Variants in IL1RAPL2 observed in about 807,000 individuals in gnomAD.
IL1RAPL2 encodes the protein interleukin 1 receptor accessory protein like 2, also known as X-linked interleukin-1 receptor accessory protein-like 2.
Under a neutral mutation model 44.1 loss-of-function variants are expected in IL1RAPL2, and 3 were observed. The observed-to-expected ratio is 0.07, with a 90% CI of 0.03 to 0.18. The LOEUF (loss-of-function observed/expected upper bound fraction) is 0.18, where lower values mean the gene tolerates loss of function less well. Ranked by LOEUF, IL1RAPL2 falls within the 10% of genes least tolerant of loss-of-function variation. The pLI, the probability that IL1RAPL2 is intolerant of heterozygous loss-of-function variation, is 1.00. For missense variants in IL1RAPL2, 391 were observed against 496.4 expected (o/e 0.79, Z 2.02); for synonymous variants, 181 against 178.8 (o/e 1.01, Z -0.10).
Position 104,964,744 on chromosome X carries a change from C to G in IL1RAPL2, c.83-230731C>G, listed in dbSNP as rs191637609. ...TTAGACAATATGGTGTACTAGATGT[C>G]CTAGAAACCCTTATGATAAAATGCC... On this transcript the variant is annotated intron_variant, in intron 2 of 10. Coordinates refer to ENST00000372582, the MANE Select transcript of IL1RAPL2 (RefSeq NM_017416.2). Among the ~76,000 whole-genome samples, 491 of 111,423 alleles carry G rather than the reference C, an allele frequency of 4.4e-3. 3 individuals are homozygous for G. The highest frequency in any genetic ancestry group is 0.015 in the African/African-American group (465 of 30,664).
chrX:105,496,150 A>C (rs1026499459), intron 6 of IL1RAPL2, among the ~76,000 whole-genome samples: 2 of 112,142 alleles, frequency 1.8e-5, no homozygotes, highest in African/African-American at 6.5e-5. Context: ...AACATTTTAA[A>C]ATCTACCTAT....
At chrX:105,226,767 T>G (rs1339575140) in intron 3 of IL1RAPL2, among the ~76,000 whole-genome samples, 1 of 109,766 alleles carries the variant, frequency 9.1e-6, no homozygotes, top group Non-Finnish European at 1.9e-5. Flanking sequence ...TTTATTATTC[T>G]CATTCCACGC....
chrX:105,236,133 G>A (rs782017574), intron 4 of IL1RAPL2, among the ~76,000 whole-genome samples: 7 of 112,242 alleles, frequency 6.2e-5, no homozygotes, highest in African/African-American at 2.3e-4. Context: ...TAGCAGCTGG[G>A]AGTGAAATCC....
chrX:105,381,362 T>A (rs1240723127), intron 5 of IL1RAPL2, among the ~76,000 whole-genome samples: 4 of 111,801 alleles, frequency 3.6e-5, no homozygotes, highest in Non-Finnish European at 5.6e-5. Context: ...CTCAACACTC[T>A]CTTCCTCTCG....
intron 5 of IL1RAPL2, among the ~76,000 whole-genome samples, chrX:105,480,014 A>C (rs950714742): frequency 3.6e-5 from 4 of 111,455 alleles, no homozygotes; most frequent in African/African-American, 9.8e-5. Context: ...ATAACATACA[A>C]ATTCCAAAAT....
At chrX:105,370,963 G>A (rs2035334808) in intron 5 of IL1RAPL2, among the ~76,000 whole-genome samples, 1 of 111,873 alleles carries the variant, frequency 8.9e-6, no homozygotes, top group East Asian at 2.8e-4. Context: ...ATCTTATTGT[G>A]GTTTTGATGT....
At chrX:105,449,659 A>G (rs1339246830) in intron 5 of IL1RAPL2, among the ~76,000 whole-genome samples, 1 of 110,283 alleles carries the variant, frequency 9.1e-6, no homozygotes, top group East Asian at 2.9e-4. Context: ...AGGCAGGAGA[A>G]TCGCTTGAAC....
chrX:104,829,481 T>C (rs1921550898), intron 2 of IL1RAPL2, among the ~76,000 whole-genome samples: 1 of 112,018 alleles, frequency 8.9e-6, no homozygotes, highest in Non-Finnish European at 1.9e-5. Context: ...CCAGTCCCAA[T>C]GAAATGAACT....
intron 2 of IL1RAPL2, among the ~76,000 whole-genome samples, chrX:105,060,429 T>A (rs1216022018): frequency 8.9e-6 from 1 of 111,856 alleles, no homozygotes; most frequent in East Asian, 2.8e-4. Flanking sequence ...TGCTGAAACA[T>A]CCTTGCATCC....
rs1894497545 is a variant in IL1RAPL2, at chrX:104,925,270, C to G, written c.82+266275C>G. Among the ~76,000 whole-genome samples the G allele has an allele frequency of 3.8e-5, 4 of 105,838 alleles. No homozygotes were observed. The Admixed American group carries it at 4.0e-4, about 11-fold the overall frequency. The allele number at this position is 105,838 out of a possible 115,157, so 91.9% of individuals were successfully genotyped here. ...AGATAGATTCACAGCCAAATTCTAC[C>G]AAATATACAGGTAAGAGTCAGTACC... is the stretch of plus-strand genomic sequence containing the variant. On this transcript the variant is annotated intron_variant, in intron 2 of 10. Coordinates refer to ENST00000372582, the MANE Select transcript of IL1RAPL2 (RefSeq NM_017416.2).
chrX:105,162,447 T>C (rs2033334054), intron 2 of IL1RAPL2, among the ~76,000 whole-genome samples: 1 of 112,368 alleles, frequency 8.9e-6, no homozygotes, highest in Admixed American at 9.4e-5. Flanking sequence ...GCATGTTATG[T>C]ATAGTGGCCA....
chrX:105,573,173 C>T (rs1049777307), intron 6 of IL1RAPL2, among the ~76,000 whole-genome samples: 1 of 111,126 alleles, frequency 9.0e-6, no homozygotes, highest in Non-Finnish European at 1.9e-5. Flanking sequence ...ATCCTCCCAC[C>T]GCAGTCTCAT....
intron 6 of IL1RAPL2, among the ~76,000 whole-genome samples, chrX:105,556,818 C>A (rs1009616045): frequency 5.4e-5 from 6 of 110,983 alleles, no homozygotes; most frequent in African/African-American, 2.0e-4. Context: ...TTATAGATAT[C>A]AAAAATATGT....
chrX:105,765,858 T>C (rs756359210), intron 10 of IL1RAPL2, among the ~76,000 whole-genome samples: 3 of 112,678 alleles, frequency 2.7e-5, no homozygotes, highest in Non-Finnish European at 5.6e-5. Flanking sequence ...GTCTGTAACC[T>C]TGGGCAGATT....
At chrX:104,980,890 A>G (rs2030423928) in intron 2 of IL1RAPL2, among the ~76,000 whole-genome samples, 1 of 111,439 alleles carries the variant, frequency 9.0e-6, no homozygotes, top group South Asian at 3.7e-4. Context: ...TGAATCTATA[A>G]ATTGCTTTGG....
intron 5 of IL1RAPL2, among the ~76,000 whole-genome samples, chrX:105,479,842 C>T (rs2036222942): frequency 9.0e-6 from 1 of 110,784 alleles, no homozygotes; most frequent in Admixed American, 9.6e-5. Flanking sequence ...CTATGACTGC[C>T]TTTATGTTCC....
At chrX:105,150,197 C>T (rs1334386797) in intron 2 of IL1RAPL2, among the ~76,000 whole-genome samples, 1 of 111,442 alleles carries the variant, frequency 9.0e-6, no homozygotes, top group Non-Finnish European at 1.9e-5. Flanking sequence ...TATCAAAAGA[C>T]ACACTGTGTC....
intron 6 of IL1RAPL2, among the ~76,000 whole-genome samples, chrX:105,622,119 C>T (rs2037422767): frequency 9.1e-6 from 1 of 109,732 alleles, no homozygotes; most frequent in Admixed American, 9.8e-5. Flanking sequence ...TTCAAGTCAC[C>T]TGCCTTTTTA....
chrX:105,726,345 G>A (rs753134012), intron 7 of IL1RAPL2, among the ~76,000 whole-genome samples: 9 of 111,341 alleles, frequency 8.1e-5, no homozygotes, highest in South Asian at 3.8e-4. Flanking sequence ...AGTGATTGAG[G>A]GTTCCTATAG....
Sources: gnomAD v4.1 joint callset for allele counts (sites outside exome capture counted in the v4.1 genomes callset) on GRCh38, gnomAD v4.1.1 for gene constraint, MANE v1.5 for transcripts, NCBI Gene and HGNC (gene_info 2026-07-23, HGNC 2026-07-21) for gene names.